The following ASB18 variants were observed in gnomAD, a reference collection of about 807,000 sequenced individuals.
ASB18 encodes ankyrin repeat and SOCS box protein 18.
A neutral mutation model predicts 33.4 loss-of-function variants in ASB18; 33 were observed. The ratio of observed to expected loss-of-function variants is 0.99; its 90% CI spans 0.75 to 1.32. ASB18 has a LOEUF of 1.32. ASB18 is among the 40% of genes most tolerant of loss of function. The pLI, the probability that ASB18 is intolerant of heterozygous loss-of-function variation, is 0.00. For missense variants in ASB18, 694 were observed against 655.5 expected (o/e 1.06, Z -0.64); for synonymous variants, 295 against 307.6 (o/e 0.96, Z 0.43).
Position 236,217,425 on chromosome 2 carries a change from A to AT in ASB18, c.597-2560_597-2559insA, listed in dbSNP as rs1284552797. Among the ~76,000 whole-genome samples the AT allele has an allele frequency of 3.9e-5, 2 of 51,668 alleles. No individual in the cohort carries two copies. The highest frequency in any genetic ancestry group is 7.1e-4 in the African/African-American group (2 of 2,800). 33.9% of individuals were successfully genotyped at this position (51,668 alleles called of 152,430 possible). On this transcript the variant is annotated intron_variant, in intron 3 of 5. Coordinates refer to ENST00000409749, the MANE Select transcript of ASB18 (RefSeq NM_212556.4). This position sits in a 1 kb window ranked among gnomAD's most constrained non-coding sequence, Gnocchi z 5.2. The stretch of plus-strand genomic sequence containing the variant: ...GAGACTCTGTCTCAAAAAAAAAAAA[A>AT]AATAAATCTTGGCACCTTCAACTCC...
At chr2:236,210,584 C>T (rs1454560290) in intron 4 of ASB18, 2 of 152,196 alleles carry the variant, frequency 1.3e-5, no homozygotes, top group African/African-American at 4.8e-5. Flanking sequence ...GTGCGTTTTC[C>T]CGGGCTGCTG....
intron 1 of ASB18, chr2:236,254,303 C>T (rs2060682287): frequency 6.6e-6 from 1 of 152,398 alleles, no homozygotes; most frequent in Admixed American, 6.6e-5. Flanking sequence ...CTGATTGCAC[C>T]CTTCTCTCTG....
At position 236,257,761 on chromosome 2, in the gene ASB18, G is replaced by A. The variant is rs561431208; in HGVS notation, c.205+6380C>T. On this transcript the variant is annotated intron_variant, in intron 1 of 5. Coordinates refer to ENST00000409749, the MANE Select transcript of ASB18 (RefSeq NM_212556.4). The surrounding 1 kb of genome is among the most constrained non-coding windows in gnomAD (Gnocchi z 5.5). ...GAACACAGGTGAGCAGCAGTGTTCC[G>A]GTCTGTAGAACGCAGCTGTGGGATG... 2.0e-4 allele frequency among the ~76,000 whole-genome samples: 30 copies of A among 152,298 alleles called. No individual in the cohort carries two copies. Among genetic ancestry groups the A allele is most frequent in the Middle Eastern group, 6.8e-3 (2 of 294 alleles).
At chr2:236,212,651 G>T (rs2060464297) in intron 4 of ASB18, among the ~76,000 whole-genome samples, 1 of 152,020 alleles carries the variant, frequency 6.6e-6, no homozygotes, top group Admixed American at 6.6e-5. Context: ...TGGAGACAGG[G>T]TCTTGCTCTA....
intron 3 of ASB18, among the ~76,000 whole-genome samples, chr2:236,236,689 G>T (rs73999261): frequency 0.074 from 11,253 of 152,026 alleles, 1,389 homozygotes; most frequent in African/African-American, 0.26. Flanking sequence ...TGAATGCCCA[G>T]CAGTCCCGCC....
chr2:236,247,537 C>T (rs199841799), intron 1 of ASB18: 1 of 143,472 alleles, frequency 7.0e-6, no homozygotes, highest in Non-Finnish European at 1.5e-5. Flanking sequence ...GTTTTCTGAC[C>T]CAGTGCTCTT....
Position 236,226,955 on chromosome 2 carries a change from T to C in ASB18, c.596+10734A>G, listed in dbSNP as rs183375944. On this transcript the variant is annotated intron_variant, in intron 3 of 5. Transcript: ENST00000409749. This position sits in a 1 kb window ranked among gnomAD's most constrained non-coding sequence, Gnocchi z 4.8. ...ATCTAATATTATTATGGTATATTTG[T>C]CAAAACTAAGAAATTAACAATGGTA... Among the ~76,000 whole-genome samples the C allele has an allele frequency of 6.6e-6, 1 of 152,370 alleles. No homozygotes were observed. Among genetic ancestry groups the C allele is most frequent in the African/African-American group, 2.4e-5 (1 of 41,586 alleles).
Position 236,194,942 on chromosome 2 carries a change from A to C in ASB18, c.1331T>G (p.Ile444Ser), listed in dbSNP as rs1452401281. 1 of 1,613,886 alleles carries C rather than the reference A, an allele frequency of 6.2e-7. No individual in the cohort carries two copies. Among genetic ancestry groups the C allele is most frequent in the Admixed American group, 1.7e-5 (1 of 60,008 alleles). ...RLFGKRCFDL[I>S]PLLPLPKPLQ... is the part of the protein sequence containing the mutation. ...GGGCTTTGGCAAGGGTAACAGGGGG[A>C]TGAGGTCAAAGCACCTTTTGCCAAA... The change falls in exon 6 of 6, where the codon ATC (isoleucine) becomes AGC (serine). Residue 444 changes from isoleucine (I) to serine (S), a missense_variant. Ile to Ser is a moderately radical substitution (Grantham distance 142). Coordinates refer to ENST00000409749, the MANE Select transcript of ASB18 (RefSeq NM_212556.4). The surrounding 1 kb of genome is among the most constrained non-coding windows in gnomAD (Gnocchi z 4.5).
Position 236,257,561 on chromosome 2 carries a change from T to A in ASB18, c.205+6580A>T, listed in dbSNP as rs1447037478. On this transcript the variant is annotated intron_variant, in intron 1 of 5. Coordinates refer to ENST00000409749, the MANE Select transcript of ASB18 (RefSeq NM_212556.4). This position sits in a 1 kb window ranked among gnomAD's most constrained non-coding sequence, Gnocchi z 5.5. ...GACTGTGTGTGTGCGTGTGTACATA[T>A]GCATATGTATGCTTCATGTCAGATT... is the stretch of plus-strand genomic sequence containing the variant. 6.6e-6 allele frequency among the ~76,000 whole-genome samples: 1 copy of A among 152,228 alleles called. No homozygotes were observed. The highest frequency in any genetic ancestry group is 1.5e-5 in the Non-Finnish European group (1 of 68,046).
At position 236,220,462 on chromosome 2, in the gene ASB18, G is replaced by T. The variant is rs914407486; in HGVS notation, c.597-5596C>A. Among the ~76,000 whole-genome samples the T allele has an allele frequency of 8.6e-5, 13 of 151,890 alleles. No homozygotes were observed. Among genetic ancestry groups the T allele is most frequent in the Admixed American group, 8.5e-4 (13 of 15,254 alleles). Reference sequence around the variant, plus strand: ...CACTCTCTCGTCTCCCCTGCCTCCTGATCACCCTCTTTATTCAAAGCCCTG... The same window carrying T: ...CACTCTCTCGTCTCCCCTGCCTCCTTATCACCCTCTTTATTCAAAGCCCTG... On this transcript the variant is annotated intron_variant, in intron 3 of 5. Coordinates refer to ENST00000409749, the MANE Select transcript of ASB18 (RefSeq NM_212556.4). The surrounding 1 kb of genome is among the most constrained non-coding windows in gnomAD (Gnocchi z 5.1).
At position 236,235,180 on chromosome 2, in the gene ASB18, A is replaced by G. The variant is rs1162094674; in HGVS notation, c.596+2509T>C. 1.3e-5 allele frequency among the ~76,000 whole-genome samples: 2 copies of G among 152,232 alleles called. No homozygotes were observed. Among genetic ancestry groups the G allele is most frequent in the East Asian group, 3.8e-4 (2 of 5,200 alleles). On this transcript the variant is annotated intron_variant, in intron 3 of 5. Coordinates refer to ENST00000409749, the MANE Select transcript of ASB18 (RefSeq NM_212556.4). This position sits in a 1 kb window ranked among gnomAD's most constrained non-coding sequence, Gnocchi z 6.2. ...AGATACAGTCATGTCCCTTATAACAATGGTTTTGGTCAACAACAGACCACA... is the reference window on the plus strand; with the variant it reads ...AGATACAGTCATGTCCCTTATAACAGTGGTTTTGGTCAACAACAGACCACA...
intron 3 of ASB18, among the ~76,000 whole-genome samples, chr2:236,236,797 G>A (rs917250902): frequency 7.9e-5 from 12 of 152,222 alleles, no homozygotes; most frequent in African/African-American, 2.7e-4. Flanking sequence ...AGAGCCGCGC[G>A]GGTTCCCAGC....
At position 236,193,652 on chromosome 2, in the gene ASB18, C is replaced by T. The variant is rs187920951; in HGVS notation, c.*1220G>A. On this transcript the variant is annotated 3_prime_UTR_variant, in exon 6 of 6. Coordinates refer to ENST00000409749, the MANE Select transcript of ASB18 (RefSeq NM_212556.4). The surrounding 1 kb of genome is among the most constrained non-coding windows in gnomAD (Gnocchi z 5.0). ...TCTCTACTAAAAATAAAAAATTAGCCGGGCGTGCTGGCACATGCCTGTTAT... is the reference window on the plus strand; with the variant it reads ...TCTCTACTAAAAATAAAAAATTAGCTGGGCGTGCTGGCACATGCCTGTTAT... 8.5e-5 allele frequency among the ~76,000 whole-genome samples: 13 copies of T among 152,182 alleles called. No individual in the cohort carries two copies. In the South Asian group the frequency reaches 1.7e-3, roughly 19 times the overall value.
intron 4 of ASB18, among the ~76,000 whole-genome samples, chr2:236,206,889 C>T (rs10929169): frequency 0.17 from 26,156 of 152,108 alleles, 2,268 homozygotes; most frequent in South Asian, 0.25. Context: ...CAGGGCCATC[C>T]GCTGGAAGCA....
rs2060683805 is a variant in ASB18, at chr2:236,254,663, A to G, written c.205+9478T>C. ...CATTTTACTTTCTCTTCTTCAAATC[A>G]AATATTTTTCTATTGATGTTTTCAA... is the stretch of plus-strand genomic sequence containing the variant. On this transcript the variant is annotated intron_variant, in intron 1 of 5. Coordinates refer to ENST00000409749, the MANE Select transcript of ASB18 (RefSeq NM_212556.4). Among the ~76,000 whole-genome samples, 4 of 151,758 alleles carry G rather than the reference A, an allele frequency of 2.6e-5. No individual in the cohort carries two copies. In the South Asian group the frequency reaches 8.3e-4, roughly 32 times the overall value.
At chr2:236,247,875 A>G (rs1272279056) in intron 1 of ASB18, 3 of 152,228 alleles carry the variant, frequency 2.0e-5, no homozygotes, top group Non-Finnish European at 2.9e-5. Context: ...TGATCTTGAC[A>G]TTAGACCTGG....
rs145527205 is a variant in ASB18, at chr2:236,215,872, G to A, written c.597-1006C>T. ...AGCCTTGGAAGTCTGCAAACATGCCGACTTCAGACTACAGCCCTAGTCCTC... is the reference window on the plus strand; with the variant it reads ...AGCCTTGGAAGTCTGCAAACATGCCAACTTCAGACTACAGCCCTAGTCCTC... On this transcript the variant is annotated intron_variant, in intron 3 of 5. Transcript: ENST00000409749. This position sits in a 1 kb window ranked among gnomAD's most constrained non-coding sequence, Gnocchi z 7.2. 3.9e-4 allele frequency among the ~76,000 whole-genome samples: 59 copies of A among 152,264 alleles called. No homozygotes were observed. The highest frequency in any genetic ancestry group is 1.3e-3 in the African/African-American group (52 of 41,548).
rs2060697517 is a variant in ASB18 at position 236,257,442 on chromosome 2, C to A, written c.205+6699G>T. On this transcript the variant is annotated intron_variant, in intron 1 of 5. Coordinates refer to ENST00000409749, the MANE Select transcript of ASB18 (RefSeq NM_212556.4). The surrounding 1 kb of genome is among the most constrained non-coding windows in gnomAD (Gnocchi z 5.5). ...TCTGTTTTTATTCTCCAGCCTAGCACCCCACTTACTTGCCCATGATTTTTT... is the reference window on the plus strand; with the variant it reads ...TCTGTTTTTATTCTCCAGCCTAGCAACCCACTTACTTGCCCATGATTTTTT... Among the ~76,000 whole-genome samples, 1 of 152,140 alleles carries A rather than the reference C, an allele frequency of 6.6e-6. No homozygotes were observed. Among genetic ancestry groups the A allele is most frequent in the Non-Finnish European group, 1.5e-5 (1 of 68,038 alleles).
Position 236,237,587 on chromosome 2 carries a change from G to T in ASB18, c.596+102C>A. 2 of 1,001,372 alleles carry T rather than the reference G, an allele frequency of 2.0e-6. No homozygotes were observed. The highest frequency in any genetic ancestry group is 2.2e-5 in the South Asian group (1 of 44,570). The allele number at this position is 1,001,372 out of a possible 1,614,324, so 62.0% of individuals were successfully genotyped here. On this transcript the variant is annotated intron_variant, in intron 3 of 5. Transcript: ENST00000409749. This position sits in a 1 kb window ranked among gnomAD's most constrained non-coding sequence, Gnocchi z 6.2. ...GCAGGGTCTGGGTCCGGAGGCGGGG[G>T]CTGGGACGGAGGCGGAGGCGGGGTC...
Sources: allele counts gnomAD v4.1 joint callset (sites outside exome capture counted in the v4.1 genomes callset), GRCh38; gene constraint gnomAD v4.1.1; non-coding constraint Gnocchi (gnomAD v3.1); transcripts MANE v1.5; gene names NCBI Gene and HGNC (gene_info 2026-07-23, HGNC 2026-07-21).